Variants in MCM6 observed in about 807,000 individuals in gnomAD.
The protein encoded by MCM6 is DNA replication licensing factor MCM6.
MCM6 carries 46 observed loss-of-function variants against 94.3 expected under a neutral mutation model. The observed-to-expected ratio is 0.49, with a 90% CI of 0.39 to 0.62. MCM6 has a LOEUF of 0.62. MCM6 is among the 20% of genes least tolerant of loss of function. The pLI is 0.00. For missense variants in MCM6, 865 were observed against 1,017.9 expected (o/e 0.85, Z 2.04); for synonymous variants, 335 against 351.9 (o/e 0.95, Z 0.54).
chr2:135,862,890 T>C, intron 7 of MCM6, 142 bp from the exon 8 acceptor site: 1 of 765,152 alleles, frequency 1.3e-6, no homozygotes, highest in Non-Finnish European at 2.1e-6. Context: ...TAATAACACC[T>C]GGCTTCCGAT....
intron 15 of MCM6, among the ~76,000 whole-genome samples, chr2:135,846,023 C>G (rs1575357753): frequency 6.6e-6 from 1 of 152,196 alleles, no homozygotes; most frequent in East Asian, 1.9e-4. Flanking sequence ...AAAGAAGGAC[C>G]TACAAAGCTT....
rs368113261 is a variant in MCM6, at chr2:135,843,748, AC to A, written c.2349+796del. On this transcript the variant is annotated intron_variant, in intron 16 of 16. Transcript: ENST00000264156. ...TCTGTCTCAAAAAAAAAAAAAAAAAACAAAACCATTCAGGGAAAGAGACTAA... is the reference window on the plus strand; with the variant it reads ...TCTGTCTCAAAAAAAAAAAAAAAAAAAAAACCATTCAGGGAAAGAGACTAA... Among the ~76,000 whole-genome samples the A allele has an allele frequency of 7.7e-3, 1,021 of 132,186 alleles. 10 individuals carry two copies. Among genetic ancestry groups the A allele is most frequent in the African/African-American group, 0.02 (706 of 35,538 alleles). 86.7% of individuals were successfully genotyped at this position (132,186 alleles called of 152,430 possible).
intron 15 of MCM6, among the ~76,000 whole-genome samples, chr2:135,845,218 G>A (rs1255441882): frequency 1.3e-5 from 2 of 152,192 alleles, no homozygotes; most frequent in African/African-American, 4.8e-5. Context: ...TGAACTGCCT[G>A]CTGCTTTTAA....
intron 8 of MCM6, among the ~76,000 whole-genome samples, chr2:135,861,970 C>G (rs1049150752): frequency 6.6e-6 from 1 of 152,084 alleles, no homozygotes; most frequent in Non-Finnish European, 1.5e-5. Flanking sequence ...CTCAACAATC[C>G]TGTATCTAGC....
At chr2:135,848,422 CAAG>C (rs143095635) in intron 13 of MCM6, among the ~76,000 whole-genome samples, 2 of 152,206 alleles carry the variant, frequency 1.3e-5, no homozygotes, top group African/African-American at 4.8e-5. Flanking sequence ...CAAGTGTTGT[CAAG>C]AAGGTAGAAC....
At chr2:135,869,004 ATAATT>A (rs933893556) in intron 3 of MCM6, 144 bp from the exon 4 acceptor site, 3 of 713,164 alleles carry the variant, frequency 4.2e-6, no homozygotes. Flanking sequence ...TCCTATAAGA[ATAATT>A]TAGTCAACGT....
intron 12 of MCM6, chr2:135,852,004 G>A (rs932462592): frequency 6.5e-6 from 1 of 153,924 alleles, no homozygotes; most frequent in Non-Finnish European, 1.4e-5. Flanking sequence ...GCTTTTCAGA[G>A]CAAGGAATTC....
intron 15 of MCM6, 56 bp downstream of exon 15, chr2:135,846,181 G>A (rs1575357849): frequency 3.2e-6 from 5 of 1,572,314 alleles, no homozygotes; most frequent in Non-Finnish European, 8.7e-7. Context: ...AGTGGCCTAT[G>A]TGAACAGAGC....
chr2:135,876,172 G>A (rs948680605), intron 1 of MCM6, 87 bp downstream of exon 1: 3 of 1,081,136 alleles, frequency 2.8e-6, no homozygotes, highest in African/African-American at 1.7e-5. Flanking sequence ...CCCAGGTTCC[G>A]GAACACCCGC....
intron 9 of MCM6, 28 bp downstream of exon 9, chr2:135,859,273 T>C (rs1679945311): frequency 6.3e-7 from 1 of 1,594,186 alleles, no homozygotes; most frequent in South Asian, 1.1e-5. Context: ...CTGACTTCTT[T>C]ATACTGAAGA....
Position 135,866,275 on chromosome 2 carries a change from C to T in MCM6, c.784G>A (p.Ala262Thr), listed in dbSNP as rs1680093247. Residue 262 changes from alanine (A) to threonine (T), a missense_variant and splice_region_variant, in exon 6 of 17, where the codon GCA becomes ACA. Transcript: ENST00000264156. The stretch of plus-strand genomic sequence containing the variant: ...ACACGGGAATTAGTTTCTGCACGTG[C>T]TCCTGAAACAGAATGATAGGTTGTT... ...PDVSKLSTPGARAETNSRVSG... is the reference protein window; with the variant it reads ...PDVSKLSTPGTRAETNSRVSG... 6.2e-7 allele frequency: 1 copy of T among 1,613,978 alleles called. No individual in the cohort carries two copies. Among genetic ancestry groups the T allele is most frequent in the East Asian group, 2.2e-5 (1 of 44,890 alleles).
chr2:135,850,474 C>T (rs1481394317), intron 13 of MCM6, among the ~76,000 whole-genome samples: 1 of 152,106 alleles, frequency 6.6e-6, no homozygotes, highest in Non-Finnish European at 1.5e-5. Context: ...AAGGCAGGGG[C>T]TCTCATTCAT....
rs183181130 is a variant in MCM6 at position 135,862,355 on chromosome 2, T to C, written c.1220+252A>G. On this transcript the variant is annotated intron_variant, in intron 8 of 16. Transcript: ENST00000264156. ...ATAATAAAATTTGTATAAAATTTTA[T>C]ACAAATATATTTTACAAAGATATTA... Among the ~76,000 whole-genome samples the C allele has an allele frequency of 1.7e-3, 192 of 110,372 alleles. 1 individual carries two copies. Among genetic ancestry groups the C allele is most frequent in the South Asian group, 0.011 (36 of 3,402 alleles). The allele number at this position is 110,372 out of a possible 152,430, so 72.4% of individuals were successfully genotyped here. A position where few individuals can be genotyped will look rare whatever the true frequency, so the allele number is the denominator to read the frequency against.
intron 13 of MCM6, among the ~76,000 whole-genome samples, chr2:135,850,639 T>C (rs1453560948): frequency 2.6e-5 from 4 of 152,122 alleles, no homozygotes; most frequent in Non-Finnish European, 4.4e-5. Flanking sequence ...GGGATAAAAG[T>C]AGTGATTGAA....
intron 11 of MCM6, among the ~76,000 whole-genome samples, chr2:135,855,634 G>A (rs1220924789): frequency 1.3e-5 from 2 of 151,972 alleles, no homozygotes; most frequent in African/African-American, 4.8e-5. Context: ...GCACTGCCTG[G>A]GTGACAGAGT....
chr2:135,864,060 G>C (rs576629983), intron 7 of MCM6, among the ~76,000 whole-genome samples: 1 of 151,058 alleles, frequency 6.6e-6, no homozygotes, highest in South Asian at 2.1e-4. Context: ...GCAGTGAGCT[G>C]AGATCACGCC....
rs139065257 is a variant in MCM6, at chr2:135,847,011, A to T, written c.2054-619T>A. 1.5e-3 allele frequency among the ~76,000 whole-genome samples: 222 copies of T among 148,004 alleles called. 1 individual carries two copies. Among genetic ancestry groups the T allele is most frequent in the African/African-American group, 5.0e-3 (206 of 41,056 alleles). On this transcript the variant is annotated intron_variant, in intron 14 of 16. Transcript: ENST00000264156. ...AAAAGCAAAACTCCATCTCAAAAATAAAAAAAAACAAAAAACAAACAAAAA... is the reference window on the plus strand; with the variant it reads ...AAAAGCAAAACTCCATCTCAAAAATTAAAAAAAACAAAAAACAAACAAAAA...
chr2:135,842,178 A>G (rs1679585486), intron 16 of MCM6, among the ~76,000 whole-genome samples: 1 of 152,180 alleles, frequency 6.6e-6, no homozygotes, highest in Non-Finnish European at 1.5e-5. Context: ...TGTGTTCCAA[A>G]GTCCTGAAGC....
In MCM6 at chr2:135,840,234, A is replaced by C. The variant is rs1367908144; in HGVS notation, c.*601T>G. The C allele has an allele frequency of 2.2e-4, 32 of 145,674 alleles. No homozygotes were observed. Among genetic ancestry groups the C allele is most frequent in the African/African-American group, 6.5e-4 (26 of 40,302 alleles). The allele number at this position is 145,674 out of a possible 1,614,324, so 9.0% of individuals were successfully genotyped here. A position where few individuals can be genotyped will look rare whatever the true frequency, so the allele number is the denominator to read the frequency against. Reference sequence around the variant, plus strand: ...AACTTTTATAAACTTAAAAAAAAAAAAAAACAACTGGAATTAACCTTGGAA... The same window carrying C: ...AACTTTTATAAACTTAAAAAAAAAACAAAACAACTGGAATTAACCTTGGAA... On this transcript the variant is annotated 3_prime_UTR_variant, in exon 17 of 17. Transcript: ENST00000264156.
Sources: gnomAD v4.1 joint callset for allele counts (sites outside exome capture counted in the v4.1 genomes callset) on GRCh38, gnomAD v4.1.1 for gene constraint, MANE v1.5 for transcripts, NCBI Gene and HGNC (gene_info 2026-07-23, HGNC 2026-07-21) for gene names.